Variants in HDX observed in about 807,000 individuals in gnomAD.
The protein encoded by HDX is chromosome X open reading frame 43.
Under a neutral mutation model 45.2 loss-of-function variants are expected in HDX, and 19 were observed. The observed-to-expected ratio is 0.42, with a 90% CI of 0.29 to 0.62. The LOEUF (loss-of-function observed/expected upper bound fraction) is 0.62, where lower values mean the gene tolerates loss of function less well. Ranked by LOEUF, HDX falls within the 20% of genes least tolerant of loss-of-function variation. The probability of loss-of-function intolerance (pLI) is 0.20; values close to 1 mark genes in which losing one functional copy is unlikely to be tolerated. For missense variants in HDX, 532 were observed against 493.9 expected (o/e 1.08, Z -0.73); for synonymous variants, 188 against 172.8 (o/e 1.09, Z -0.69).
chrX:84,325,268 G>T (rs745629386), intron 10 of HDX, among the ~76,000 whole-genome samples: 53 of 111,034 alleles, frequency 4.8e-4, no homozygotes, highest in Middle Eastern at 9.3e-3. Context: ...TCTGAGATGG[G>T]CTATATACAT....
At chrX:84,329,205 G>A (rs1300093882) in intron 9 of HDX, among the ~76,000 whole-genome samples, 2 of 111,899 alleles carry the variant, frequency 1.8e-5, no homozygotes, top group Non-Finnish European at 3.8e-5. Context: ...CAAACGGGAG[G>A]AAGATATAAT....
In HDX at chrX:84,453,509, T is replaced by A. The variant is rs754176478; in HGVS notation, c.1252-12924A>T. The stretch of plus-strand genomic sequence containing the variant: ...ATGGGCAGAATTCATCTGGCATGCA[T>A]GGAGGGAGTATTTAGACCAGCACTA... On this transcript the variant is annotated intron_variant, in intron 4 of 10. Transcript: ENST00000373177. Among the ~76,000 whole-genome samples the A allele has an allele frequency of 4.2e-4, 47 of 111,867 alleles. No homozygotes were observed. In the Middle Eastern group the frequency reaches 0.014, roughly 33 times the overall value.
At chrX:84,415,063 C>T (rs1476187559) in intron 5 of HDX, among the ~76,000 whole-genome samples, 2 of 111,923 alleles carry the variant, frequency 1.8e-5, no homozygotes, top group African/African-American at 6.5e-5. Context: ...TTCATACAAG[C>T]TTATTTTCAT....
chrX:84,324,330 A>G (rs371239341), intron 10 of HDX, among the ~76,000 whole-genome samples: 1 of 111,710 alleles, frequency 9.0e-6, no homozygotes, highest in East Asian at 2.8e-4. Flanking sequence ...TAGAATAAAA[A>G]TTAACTCCTT....
chrX:84,439,509 T>C (rs1212572115), intron 5 of HDX, among the ~76,000 whole-genome samples: 1 of 111,381 alleles, frequency 9.0e-6, no homozygotes, highest in Non-Finnish European at 1.9e-5. Context: ...ATTCCCTAGG[T>C]TTTCCTCTAG....
intron 5 of HDX, among the ~76,000 whole-genome samples, chrX:84,423,442 G>A (rs1164480947): frequency 9.7e-6 from 1 of 103,286 alleles, no homozygotes; most frequent in African/African-American, 3.6e-5. Context: ...TCATTCTATG[G>A]GTGAAGTATT....
chrX:84,366,601 A>G (rs2037759732), intron 5 of HDX, among the ~76,000 whole-genome samples: 1 of 111,929 alleles, frequency 8.9e-6, no homozygotes, highest in Non-Finnish European at 1.9e-5. Context: ...AGCTACAGTA[A>G]GCAAAACAGC....
chrX:84,369,161 A>G (rs1417383247), intron 5 of HDX, among the ~76,000 whole-genome samples: 1 of 111,907 alleles, frequency 8.9e-6, no homozygotes, highest in Non-Finnish European at 1.9e-5. Context: ...TAAATAAAAT[A>G]ATGAAATATT....
chrX:84,400,127 G>A (rs2038664181), intron 5 of HDX, among the ~76,000 whole-genome samples: 1 of 109,637 alleles, frequency 9.1e-6, no homozygotes, highest in African/African-American at 3.3e-5. Context: ...GGTAAAAGCT[G>A]GAACCTTTGA....
At position 84,448,941 on chromosome X, in the gene HDX, T is replaced by C. The variant is rs768201899; in HGVS notation, c.1252-8356A>G. 2.7e-5 allele frequency among the ~76,000 whole-genome samples: 3 copies of C among 109,147 alleles called. No individual in the cohort carries two copies. In the Admixed American group the frequency reaches 2.9e-4, roughly 11 times the overall value. 94.8% of individuals were successfully genotyped at this position (109,147 alleles called of 115,157 possible). A position where few individuals can be genotyped will look rare whatever the true frequency, so the allele number is the denominator to read the frequency against. ...ATGAAAGAGAAATGTACTAAAAAGA[T>C]AGATATCATTTAAAAAAGAAATTCT... is the stretch of plus-strand genomic sequence containing the variant. On this transcript the variant is annotated intron_variant, in intron 4 of 10. Transcript: ENST00000373177.
chrX:84,391,399 G>A (rs887609858), intron 5 of HDX, among the ~76,000 whole-genome samples: 1 of 111,832 alleles, frequency 8.9e-6, no homozygotes, highest in Non-Finnish European at 1.9e-5. Flanking sequence ...GAATACTGCT[G>A]TGATAAACAT....
chrX:84,462,088 C>T (rs187110897), intron 4 of HDX, among the ~76,000 whole-genome samples: 325 of 111,800 alleles, frequency 2.9e-3, no homozygotes, highest in African/African-American at 0.01. Flanking sequence ...AATTAGTACA[C>T]GCACTATGGA....
At chrX:84,339,229 G>T (rs908962816) in intron 7 of HDX, among the ~76,000 whole-genome samples, 2 of 111,321 alleles carry the variant, frequency 1.8e-5, no homozygotes, top group Non-Finnish European at 3.8e-5. Context: ...AGACAGAGGA[G>T]CCTTTACCTA....
At chrX:84,352,565 A>C (rs2147822830) in intron 6 of HDX, among the ~76,000 whole-genome samples, 1 of 111,705 alleles carries the variant, frequency 9.0e-6, no homozygotes, top group Non-Finnish European at 1.9e-5. Context: ...CATGCAAAGC[A>C]TAATAATCAC....
chrX:84,374,269 C>T (rs1347592867), intron 5 of HDX, among the ~76,000 whole-genome samples: 1 of 110,196 alleles, frequency 9.1e-6, no homozygotes, highest in Non-Finnish European at 1.9e-5. Flanking sequence ...AGGATACAAA[C>T]AAATGGAAGA....
intron 5 of HDX, among the ~76,000 whole-genome samples, chrX:84,424,395 TAA>T (rs1465117020): frequency 9.1e-6 from 1 of 109,444 alleles, no homozygotes; most frequent in African/African-American, 3.3e-5. Flanking sequence ...CCCAAAGCAA[TAA>T]AGATTCAATG....
chrX:84,406,001 C>T (rs758862394), intron 5 of HDX, among the ~76,000 whole-genome samples: 8 of 110,279 alleles, frequency 7.3e-5, no homozygotes, highest in Admixed American at 4.9e-4. Context: ...AGCAGTGGGG[C>T]ATGAATTTAA....
chrX:84,445,288 T>C (rs997881249), intron 4 of HDX, among the ~76,000 whole-genome samples: 4 of 111,710 alleles, frequency 3.6e-5, no homozygotes, highest in Admixed American at 1.9e-4. Flanking sequence ...AATCAAGAAA[T>C]AACCAGACCT....
chrX:84,323,173 G>C (rs1016327083), intron 10 of HDX, among the ~76,000 whole-genome samples: 1 of 110,959 alleles, frequency 9.0e-6, no homozygotes, highest in African/African-American at 3.3e-5. Context: ...TGGCAGACTA[G>C]CTGTTATTAT....
Sources: allele counts gnomAD v4.1 joint callset (sites outside exome capture counted in the v4.1 genomes callset), GRCh38; gene constraint gnomAD v4.1.1; transcripts MANE v1.5; gene names NCBI Gene and HGNC (gene_info 2026-07-23, HGNC 2026-07-21).